The following GALM variants were observed in gnomAD, a reference collection of about 807,000 sequenced individuals.
The protein encoded by GALM is aldose 1-epimerase.
Under a neutral mutation model 37.4 loss-of-function variants are expected in GALM, and 43 were observed. The observed-to-expected ratio is 1.15, with a 90% confidence interval of 0.90 to 1.48. GALM has a LOEUF of 1.48. Ranked by LOEUF, GALM falls within the 40% of genes most tolerant of loss-of-function variation. GALM has a pLI of 0.00. For missense variants in GALM, 456 were observed against 419.1 expected (o/e 1.09, Z -0.77); for synonymous variants, 199 against 170.6 (o/e 1.17, Z -1.30).
intron 1 of GALM, among the ~76,000 whole-genome samples, chr2:38,672,529 G>A (rs1260838696): frequency 6.6e-6 from 1 of 152,066 alleles, no homozygotes. Flanking sequence ...CAGAAAGCCT[G>A]CGCTTTTCAC....
intron 3 of GALM, among the ~76,000 whole-genome samples, chr2:38,682,852 C>T (rs1195516521): frequency 4.6e-5 from 7 of 151,010 alleles, no homozygotes; most frequent in South Asian, 2.1e-4. Context: ...GCTGAGACTG[C>T]GCCATTGCAC....
chr2:38,709,500 A>G (rs1172916242), intron 4 of GALM, among the ~76,000 whole-genome samples: 4 of 152,022 alleles, frequency 2.6e-5, no homozygotes, highest in Non-Finnish European at 5.9e-5. Context: ...TCCAGAAGCA[A>G]TACCCTCCCC....
At chr2:38,718,988 G>C (rs890652067) in intron 4 of GALM, among the ~76,000 whole-genome samples, 1 of 151,896 alleles carries the variant, frequency 6.6e-6, no homozygotes, top group Admixed American at 6.6e-5. Flanking sequence ...CATAGACCCA[G>C]TTCACTTTCT....
At chr2:38,693,824 G>A (rs1055688674) in intron 4 of GALM, among the ~76,000 whole-genome samples, 1 of 152,200 alleles carries the variant, frequency 6.6e-6, no homozygotes, top group African/African-American at 2.4e-5. Flanking sequence ...CACCAAGGTA[G>A]TCTGGTATTA....
intron 4 of GALM, among the ~76,000 whole-genome samples, chr2:38,696,026 C>G (rs1183622434): frequency 6.6e-6 from 1 of 151,264 alleles, no homozygotes; most frequent in Non-Finnish European, 1.5e-5. Context: ...AATCTCTCTT[C>G]TTAGGGTCAT....
At position 38,672,368 on chromosome 2, in the gene GALM, G is replaced by A. The variant is rs145617766; in HGVS notation, c.191-3544G>A. ...AGCGGATGAAACAAAACCAAGGAAA[G>A]ATTGTTTGGCTCTTTGGGACTCCTT... is the stretch of plus-strand genomic sequence containing the variant. On this transcript the variant is annotated intron_variant, in intron 1 of 6. Transcript: ENST00000272252. Among the ~76,000 whole-genome samples, 972 of 152,334 alleles carry A rather than the reference G, an allele frequency of 6.4e-3. 5 individuals are homozygous for A. Among genetic ancestry groups the A allele is most frequent in the Non-Finnish European group, 0.011 (744 of 68,032 alleles).
chr2:38,672,567 C>T (rs942723222), intron 1 of GALM, among the ~76,000 whole-genome samples: 4 of 152,156 alleles, frequency 2.6e-5, no homozygotes, highest in African/African-American at 7.2e-5. Context: ...AACATGGACT[C>T]ATGAGCTAGA....
intron 1 of GALM, among the ~76,000 whole-genome samples, chr2:38,667,750 T>C (rs1390290051): frequency 6.6e-6 from 1 of 151,652 alleles, no homozygotes; most frequent in Non-Finnish European, 1.5e-5. Context: ...GGCAGGAGAA[T>C]CACTTGAATC....
Position 38,690,021 on chromosome 2 carries a change from T to C in GALM, c.634+127T>C, listed in dbSNP as rs28473018. On this transcript the variant is annotated intron_variant, in intron 4 of 6. Transcript: ENST00000272252. ...TACAGTTTAGTTAATAGAATTATTC[T>C]AGTGGTAATTTCTTAGTTTTGATAT... The C allele has an allele frequency of 0.017, 9,739 of 588,362 alleles. 741 individuals are homozygous for C. The highest frequency in any genetic ancestry group is 0.16 in the African/African-American group (8,642 of 53,190). The allele number at this position is 588,362 out of a possible 1,614,324, so 36.4% of individuals were successfully genotyped here.
intron 4 of GALM, among the ~76,000 whole-genome samples, chr2:38,691,311 T>C (rs754876723): frequency 6.6e-6 from 1 of 152,228 alleles, no homozygotes; most frequent in Non-Finnish European, 1.5e-5. Context: ...AAAGGCCAAG[T>C]TATTTTACTT....
intron 4 of GALM, among the ~76,000 whole-genome samples, chr2:38,700,234 G>A (rs1358164617): frequency 6.6e-6 from 1 of 152,102 alleles, no homozygotes; most frequent in East Asian, 1.9e-4. Context: ...TAACAGATGT[G>A]AACCACCGCG....
At chr2:38,671,516 A>G (rs1249779038) in intron 1 of GALM, 1 of 152,164 alleles carries the variant, frequency 6.6e-6, no homozygotes, top group Non-Finnish European at 1.5e-5. Context: ...CTATCACAAG[A>G]ACAGCATGGG....
At chr2:38,688,881 C>T (rs1156873439) in intron 3 of GALM, among the ~76,000 whole-genome samples, 6 of 152,062 alleles carry the variant, frequency 3.9e-5, no homozygotes, top group South Asian at 2.1e-4. Flanking sequence ...CAATGGCACG[C>T]GCGATCTTGG....
At chr2:38,726,907 T>C (rs1057487707) in intron 4 of GALM, among the ~76,000 whole-genome samples, 2 of 148,868 alleles carry the variant, frequency 1.3e-5, no homozygotes, top group African/African-American at 5.0e-5. Context: ...AAAAAAAAAT[T>C]GGTTGCATGT....
intron 4 of GALM, among the ~76,000 whole-genome samples, chr2:38,709,207 G>A (rs1447902967): frequency 2.0e-5 from 3 of 152,158 alleles, no homozygotes; most frequent in Non-Finnish European, 2.9e-5. Context: ...AACATCAGGG[G>A]CCTGGCAGTC....
chr2:38,703,751 GCTTGTA>G (rs1295582686), intron 4 of GALM, among the ~76,000 whole-genome samples: 4 of 152,106 alleles, frequency 2.6e-5, no homozygotes, highest in African/African-American at 9.7e-5. Flanking sequence ...GGTGGCTCAC[GCTTGTA>G]ATCCCAGCAC....
At chr2:38,732,125 C>G (rs559672324) in intron 6 of GALM, among the ~76,000 whole-genome samples, 2 of 152,282 alleles carry the variant, frequency 1.3e-5, no homozygotes, top group African/African-American at 4.8e-5. Context: ...GGCACGATCT[C>G]AGCTCACTGC....
chr2:38,708,512 C>T (rs1334166774), intron 4 of GALM, among the ~76,000 whole-genome samples: 4 of 151,838 alleles, frequency 2.6e-5, no homozygotes, highest in South Asian at 4.2e-4. Context: ...GAGGCCGAGG[C>T]GGGCGGATCA....
At chr2:38,724,825 A>G (rs1187938621) in intron 4 of GALM, among the ~76,000 whole-genome samples, 1 of 152,216 alleles carries the variant, frequency 6.6e-6, no homozygotes, top group African/African-American at 2.4e-5. Flanking sequence ...CATACCATTT[A>G]TCAAATATTT....
Sources: gnomAD v4.1 joint callset for allele counts (sites outside exome capture counted in the v4.1 genomes callset) on GRCh38, gnomAD v4.1.1 for gene constraint, MANE v1.5 for transcripts, NCBI Gene and HGNC (gene_info 2026-07-23, HGNC 2026-07-21) for gene names.